The following MGAT4C variants were observed in gnomAD, a reference collection of about 807,000 sequenced individuals.
MGAT4C encodes the protein MGAT4 family member C, also known as alpha-1,3-mannosyl-glycoprotein 4-beta-N-acetylglucosaminyltransferase C.
A neutral mutation model predicts 40.1 loss-of-function variants in MGAT4C; 19 were observed. The observed-to-expected ratio is 0.47, with a 90% confidence interval of 0.33 to 0.70. The LOEUF is 0.70. Ranked by LOEUF, MGAT4C falls within the 30% of genes least tolerant of loss-of-function variation. MGAT4C has a pLI of 0.02. For missense variants in MGAT4C, 491 were observed against 563.2 expected, an observed-to-expected ratio of 0.87 and a Z score of 1.30; for synonymous variants, 181 against 187.1, an observed-to-expected ratio of 0.97 and a Z score of 0.27.
chr12:86,170,392 G>T (rs1454297473), intron 1 of MGAT4C, among the ~76,000 whole-genome samples: 2 of 152,114 alleles, frequency 1.3e-5, no homozygotes, highest in Admixed American at 1.3e-4. Context: ...ATGTTAAAGG[G>T]CAGATTTCCT....
At chr12:86,263,484 C>T (rs1952707249) in intron 4 of MGAT4C, among the ~76,000 whole-genome samples, 1 of 152,082 alleles carries the variant, frequency 6.6e-6, no homozygotes, top group Non-Finnish European at 1.5e-5. Context: ...CAATTTTGTC[C>T]ATGTTGCTGC....
intron 1 of MGAT4C, among the ~76,000 whole-genome samples, chr12:86,123,259 G>T (rs1879724247): frequency 6.6e-6 from 1 of 152,154 alleles, no homozygotes; most frequent in Non-Finnish European, 1.5e-5. Flanking sequence ...AGAGATGATT[G>T]CAGTGTCCTG....
At chr12:86,022,586 C>G (rs887298437) in intron 2 of MGAT4C, 1 of 152,054 alleles carries the variant, frequency 6.6e-6, no homozygotes, top group Admixed American at 6.6e-5. Context: ...CATGCTGGTG[C>G]ACAGCTGTAG....
intron 2 of MGAT4C, among the ~76,000 whole-genome samples, chr12:86,683,924 A>G (rs1043138439): frequency 2.0e-5 from 3 of 152,022 alleles, no homozygotes; most frequent in Non-Finnish European, 4.4e-5. Context: ...CCTGTATTGG[A>G]TATCCTCTCC....
At chr12:86,192,483 G>C (rs1428658517) in intron 1 of MGAT4C, among the ~76,000 whole-genome samples, 1 of 152,022 alleles carries the variant, frequency 6.6e-6, no homozygotes, top group Non-Finnish European at 1.5e-5. Flanking sequence ...GAGACGCCTT[G>C]CAAGACTTTA....
chr12:86,275,413 A>C (rs761148640), intron 4 of MGAT4C, among the ~76,000 whole-genome samples: 16 of 152,216 alleles, frequency 1.1e-4, no homozygotes, highest in Non-Finnish European at 1.9e-4. Flanking sequence ...TAAATGAAAT[A>C]ATGAATGTTA....
chr12:86,493,015 AC>A (rs971064774), intron 2 of MGAT4C, among the ~76,000 whole-genome samples: 6 of 151,324 alleles, frequency 4.0e-5, no homozygotes, highest in Non-Finnish European at 8.8e-5. Context: ...TCAAAAGAAG[AC>A]ATTTATGCAG....
At chr12:86,096,727 C>T (rs1253375858) in intron 1 of MGAT4C, among the ~76,000 whole-genome samples, 1 of 151,420 alleles carries the variant, frequency 6.6e-6, no homozygotes. Context: ...TGTTGGGATG[C>T]TATTCTGTTC....
chr12:86,010,724 T>A (rs1371341401), intron 2 of MGAT4C, among the ~76,000 whole-genome samples: 1 of 152,018 alleles, frequency 6.6e-6, no homozygotes, highest in African/African-American at 2.4e-5. Context: ...AAAACCCATG[T>A]TGAAAGATAA....
chr12:86,781,982 T>C (rs904739784), intron 1 of MGAT4C, among the ~76,000 whole-genome samples: 2 of 152,022 alleles, frequency 1.3e-5, no homozygotes, highest in African/African-American at 2.4e-5. Context: ...AGTTTATTCA[T>C]AGACTTTTTA....
chr12:86,157,265 A>G (rs1885062629), intron 1 of MGAT4C, among the ~76,000 whole-genome samples: 1 of 152,152 alleles, frequency 6.6e-6, no homozygotes, highest in South Asian at 2.1e-4. Context: ...CCATTTTGTA[A>G]TTATAAGTAA....
intron 4 of MGAT4C, among the ~76,000 whole-genome samples, chr12:86,276,471 G>C (rs947400591): frequency 1.3e-5 from 2 of 152,050 alleles, no homozygotes; most frequent in East Asian, 3.9e-4. Flanking sequence ...GATGGTTATT[G>C]ACTATGGTCT....
At chr12:86,518,106 T>A (rs1958728969) in intron 2 of MGAT4C, among the ~76,000 whole-genome samples, 1 of 152,198 alleles carries the variant, frequency 6.6e-6, no homozygotes, top group Non-Finnish European at 1.5e-5. Flanking sequence ...TCCTAAAAAC[T>A]GTCAAATAAA....
chr12:86,829,874 A>C (rs970864669), intron 1 of MGAT4C, among the ~76,000 whole-genome samples: 26 of 149,804 alleles, frequency 1.7e-4, no homozygotes, highest in African/African-American at 6.4e-4. Context: ...CAAAGACAGC[A>C]GTACTAGATA....
At chr12:86,632,692 G>A (rs918540099) in intron 2 of MGAT4C, among the ~76,000 whole-genome samples, 1 of 151,130 alleles carries the variant, frequency 6.6e-6, no homozygotes, top group African/African-American at 2.4e-5. Flanking sequence ...TCGCTCATAG[G>A]TGGGAACTGA....
At chr12:85,991,346 C>T (rs535352370) in intron 2 of MGAT4C, among the ~76,000 whole-genome samples, 1 of 152,248 alleles carries the variant, frequency 6.6e-6, no homozygotes, top group East Asian at 1.9e-4. Flanking sequence ...CCATGGACAG[C>T]CATGGGCGGG....
intron 1 of MGAT4C, among the ~76,000 whole-genome samples, chr12:86,117,974 A>G (rs1878717504): frequency 6.6e-6 from 1 of 152,158 alleles, no homozygotes; most frequent in Non-Finnish European, 1.5e-5. Flanking sequence ...CATAACTAGA[A>G]AAAAATCACA....
chr12:86,168,840 A>G (rs1886478225), intron 1 of MGAT4C, among the ~76,000 whole-genome samples: 1 of 152,256 alleles, frequency 6.6e-6, no homozygotes, highest in South Asian at 2.1e-4. Flanking sequence ...TCAGAAAACA[A>G]AAGAGTCTTT....
intron 1 of MGAT4C, among the ~76,000 whole-genome samples, chr12:86,121,549 C>T (rs953507688): frequency 7.2e-5 from 11 of 152,266 alleles, no homozygotes; most frequent in Admixed American, 2.6e-4. Flanking sequence ...GTGGATCTCT[C>T]GGCAGAAACT....
Sources: gnomAD v4.1 joint callset for allele counts (sites outside exome capture counted in the v4.1 genomes callset) on GRCh38, gnomAD v4.1.1 for gene constraint, MANE v1.5 for transcripts, NCBI Gene and HGNC (gene_info 2026-07-23, HGNC 2026-07-21) for gene names.